Variants in CEP97 observed in about 807,000 individuals in gnomAD.
CEP97 encodes centrosomal protein 97.
In CEP97, 43 loss-of-function variants were observed where a neutral mutation model predicts 73.1. The ratio of observed to expected loss-of-function variants is 0.59; its 90% confidence interval spans 0.46 to 0.76. The LOEUF (loss-of-function observed/expected upper bound fraction) is 0.76, where lower values mean the gene tolerates loss of function less well. Ranked by LOEUF, CEP97 falls within the 30% of genes least tolerant of loss-of-function variation. CEP97 has a pLI of 0.00. For missense variants in CEP97, 939 were observed against 1,014.0 expected, an observed-to-expected ratio of 0.93 and a Z score of 1.00; for synonymous variants, 337 against 370.0, an observed-to-expected ratio of 0.91 and a Z score of 1.02.
intron 6 of CEP97, among the ~76,000 whole-genome samples, chr3:101,741,189 G>A (rs978576359): frequency 6.6e-6 from 1 of 152,148 alleles, no homozygotes; most frequent in African/African-American, 2.4e-5. Flanking sequence ...TTTAATAAAT[G>A]GTGTTGGGAA....
At chr3:101,745,503 G>A (rs1221249168) in intron 6 of CEP97, among the ~76,000 whole-genome samples, 1 of 151,474 alleles carries the variant, frequency 6.6e-6, no homozygotes, top group African/African-American at 2.4e-5. Context: ...TGGGCTCATT[G>A]GATCCTCCCG....
chr3:101,728,342 C>T (rs1937968552), intron 3 of CEP97, among the ~76,000 whole-genome samples: 1 of 151,530 alleles, frequency 6.6e-6, no homozygotes, highest in Non-Finnish European at 1.5e-5. Flanking sequence ...TCACTGCAAC[C>T]TCTGCCTCCT....
chr3:101,747,551 G>A (rs539914894), intron 6 of CEP97, among the ~76,000 whole-genome samples: 12 of 147,998 alleles, frequency 8.1e-5, no homozygotes, highest in African/African-American at 2.2e-4. Context: ...GAGCCACCGC[G>A]CCTGGCCTTC....
In CEP97 at chr3:101,727,528, G is replaced by T; in HGVS notation, c.332G>T (p.Gly111Val). The stretch of plus-strand genomic sequence containing the variant: ...CATCTGGAATGGCTGAATTTGGCAG[G>T]AAATAATCTTAAGGTGAATGGTTTC... ...LVHLEWLNLA[G>V]NNLKAMEQIN... is the part of the protein sequence containing the mutation. The change falls in exon 3 of 11, where the codon GGA (glycine) becomes GTA (valine). Residue 111 changes from glycine (G) to valine (V), a missense_variant. Physicochemically the swap from Gly to Val is moderately radical, Grantham distance 109. Transcript: ENST00000341893. The T allele has an allele frequency of 6.2e-7, 1 of 1,609,312 alleles. No individual in the cohort carries two copies. The highest frequency in any genetic ancestry group is 8.5e-7 in the Non-Finnish European group (1 of 1,178,044).
chr3:101,754,115 T>C (rs1938936888), intron 6 of CEP97, among the ~76,000 whole-genome samples: 1 of 144,552 alleles, frequency 6.9e-6, no homozygotes, highest in Admixed American at 7.2e-5. Flanking sequence ...TTCAAACTCC[T>C]GGGCTCAAGC....
chr3:101,757,321 A>G (rs1939036802), intron 8 of CEP97, 125 bp downstream of exon 8: 2 of 1,026,412 alleles, frequency 1.9e-6, no homozygotes, highest in Non-Finnish European at 1.4e-6. Flanking sequence ...GTAATCATTT[A>G]GATCTTATAC....
rs139406167 is a variant in CEP97 at position 101,727,002 on chromosome 3, G to A, written c.186+266G>A. 7.1e-4 allele frequency among the ~76,000 whole-genome samples: 108 copies of A among 152,298 alleles called. 2 individuals are homozygous for A. The East Asian group carries it at 0.019, about 27-fold the overall frequency. On this transcript the variant is annotated intron_variant, in intron 2 of 10. Coordinates refer to ENST00000341893, the MANE Select transcript of CEP97 (RefSeq NM_024548.4). Reference sequence around the variant, plus strand: ...GGTAACCTTTTACCTCATGATGGGGGTAAAGAGTTCATTCATTCCTTCATT... The same window carrying A: ...GGTAACCTTTTACCTCATGATGGGGATAAAGAGTTCATTCATTCCTTCATT...
In CEP97 at chr3:101,769,827, A is replaced by G. The variant is rs757952892; in HGVS notation, c.*4276A>G. The G allele has an allele frequency of 6.6e-6, 1 of 152,198 alleles. No individual in the cohort carries two copies. Among genetic ancestry groups the G allele is most frequent in the African/African-American group, 2.4e-5 (1 of 41,452 alleles). The allele number at this position is 152,198 out of a possible 1,614,324, so 9.4% of individuals were successfully genotyped here. On this transcript the variant is annotated 3_prime_UTR_variant, in exon 11 of 11. Transcript: ENST00000341893. ...TTTAATGATATTGCTTTTACTGATC[A>G]AGCTTGTTGTGCCATATTAAAATTA... is the stretch of plus-strand genomic sequence containing the variant.
intron 6 of CEP97, among the ~76,000 whole-genome samples, chr3:101,750,970 G>C (rs1250140372): frequency 1.3e-5 from 2 of 152,028 alleles, no homozygotes; most frequent in African/African-American, 2.4e-5. Context: ...GAATGTGTTT[G>C]CTCTTGCTTT....
At chr3:101,753,849 C>T (rs866331910) in intron 6 of CEP97, among the ~76,000 whole-genome samples, 7 of 152,118 alleles carry the variant, frequency 4.6e-5, no homozygotes, top group East Asian at 1.9e-4. Context: ...TGACCCCTTG[C>T]GCTTCCTGAG....
At chr3:101,724,902 C>T (rs1937828155) in intron 1 of CEP97, among the ~76,000 whole-genome samples, 183 bp downstream of exon 1, 2 of 152,228 alleles carry the variant, frequency 1.3e-5, no homozygotes, top group African/African-American at 4.8e-5. Context: ...CCCAGCTCTC[C>T]GGCGTCGCGG....
intron 6 of CEP97, among the ~76,000 whole-genome samples, chr3:101,741,987 A>G (rs1482287791): frequency 6.6e-6 from 1 of 151,262 alleles, no homozygotes; most frequent in Non-Finnish European, 1.5e-5. Context: ...GGTTGCAGTG[A>G]GCTGAGATTG....
chr3:101,762,631 A>G (rs1338902306), intron 10 of CEP97, 71 bp downstream of exon 10: 33 of 1,220,600 alleles, frequency 2.7e-5, no homozygotes, highest in Non-Finnish European at 3.8e-5. Context: ...AGATAATCAT[A>G]GAGTACTCAG....
intron 6 of CEP97, among the ~76,000 whole-genome samples, chr3:101,736,294 G>A (rs1012297552): frequency 6.5e-4 from 99 of 152,200 alleles, no homozygotes; most frequent in Non-Finnish European, 2.1e-4. Flanking sequence ...AAATGTTCCT[G>A]CCTCCCGGCT....
chr3:101,751,028 C>G (rs1427723236), intron 6 of CEP97, among the ~76,000 whole-genome samples: 3 of 152,022 alleles, frequency 2.0e-5, no homozygotes, highest in Admixed American at 1.3e-4. Context: ...TGGATCTTTC[C>G]TGCTTTCTCT....
intron 10 of CEP97, among the ~76,000 whole-genome samples, chr3:101,763,338 T>TA (rs958719434): frequency 2.0e-5 from 3 of 151,392 alleles, no homozygotes; most frequent in East Asian, 1.9e-4. Flanking sequence ...ATGGAATAGT[T>TA]AAAAAAAATA....
intron 3 of CEP97, 72 bp from the exon 4 acceptor site, chr3:101,728,764 C>T: frequency 1.0e-6 from 1 of 967,208 alleles, no homozygotes; most frequent in Non-Finnish European, 1.7e-6. Flanking sequence ...CTTTCAGCTG[C>T]AAAGAACTAG....
chr3:101,759,058 T>C (rs1022070365), intron 9 of CEP97: 1 of 152,518 alleles, frequency 6.6e-6, no homozygotes, highest in East Asian at 1.9e-4. Context: ...TCAGGAGAGA[T>C]GAGAGGTGCC....
chr3:101,761,078 G>T (rs956417582), intron 9 of CEP97, among the ~76,000 whole-genome samples: 1 of 151,698 alleles, frequency 6.6e-6, no homozygotes, highest in African/African-American at 2.4e-5. Flanking sequence ...TGTAGGCCAG[G>T]CTGGTCTCAA....
Sources: allele counts gnomAD v4.1 joint callset (sites outside exome capture counted in the v4.1 genomes callset), GRCh38; gene constraint gnomAD v4.1.1; transcripts MANE v1.5; gene names NCBI Gene and HGNC (gene_info 2026-07-23, HGNC 2026-07-21).